Variants in BICC1 observed in about 807,000 individuals in gnomAD.
BICC1 encodes the protein BicC family RNA binding protein 1.
Under a neutral mutation model 111.0 loss-of-function variants are expected in BICC1, and 43 were observed. That is an observed-to-expected ratio of 0.39 (90% confidence interval 0.30 to 0.50). The LOEUF is 0.50. BICC1 is among the 20% of genes least tolerant of loss of function. The probability of loss-of-function intolerance (pLI) is 0.88; values close to 1 mark genes in which losing one functional copy is unlikely to be tolerated. For synonymous variants in BICC1, 467 were observed against 434.4 expected, an observed-to-expected ratio of 1.07 and a Z score of -0.93; for missense variants, 1,091 against 1,203.2, an observed-to-expected ratio of 0.91 and a Z score of 1.38.
At chr10:58,762,894 A>G (rs1230511875) in intron 3 of BICC1, among the ~76,000 whole-genome samples, 1 of 152,198 alleles carries the variant, frequency 6.6e-6, no homozygotes, top group Non-Finnish European at 1.5e-5. Flanking sequence ...AACACAAAGG[A>G]GGCCCAGTAC....
At chr10:58,778,579 G>A (rs959927639) in intron 3 of BICC1, among the ~76,000 whole-genome samples, 3 of 152,110 alleles carry the variant, frequency 2.0e-5, no homozygotes, top group Non-Finnish European at 2.9e-5. Context: ...CATCCACATC[G>A]TCTTCACATT....
At chr10:58,719,373 AACTCCTAC>A (rs1840864276) in intron 3 of BICC1, among the ~76,000 whole-genome samples, 1 of 152,164 alleles carries the variant, frequency 6.6e-6, no homozygotes, top group Non-Finnish European at 1.5e-5. Flanking sequence ...CCAACTGGCC[AACTCCTAC>A]TCATCCTCAC....
At chr10:58,702,235 C>CCTG in intron 3 of BICC1, 92 bp downstream of exon 3, 1 of 914,794 alleles carries the variant, frequency 1.1e-6, no homozygotes, top group Non-Finnish European at 1.7e-6. Context: ...AACCTTTATT[C>CCTG]TTAACACTTT....
rs1246665179 is a variant in BICC1, at chr10:58,525,237, A to T, written c.190+11904A>T. 1.7e-5 allele frequency among the ~76,000 whole-genome samples: 2 copies of T among 115,456 alleles called. 1 individual carries two copies. Among genetic ancestry groups the T allele is most frequent in the Non-Finnish European group, 4.1e-5 (2 of 49,212 alleles). The allele number at this position is 115,456 out of a possible 152,430, so 75.7% of individuals were successfully genotyped here. On this transcript the variant is annotated intron_variant, in intron 1 of 20. Transcript: ENST00000373886. ...GTATATACCCAAAGGATTATAAATC[A>T]TGCTGCTATAAAGATAACATGCACA... is the stretch of plus-strand genomic sequence containing the variant.
chr10:58,801,194 G>A, intron 14 of BICC1, 148 bp downstream of exon 14: 1 of 650,874 alleles, frequency 1.5e-6, no homozygotes, highest in Non-Finnish European at 2.3e-6. Flanking sequence ...AAAATATTAA[G>A]GAATAATATC....
At chr10:58,801,218 C>T (rs537397737) in intron 14 of BICC1, among the ~76,000 whole-genome samples, 172 bp downstream of exon 14, 1 of 151,628 alleles carries the variant, frequency 6.6e-6, no homozygotes, top group East Asian at 1.9e-4. Context: ...TAATTTTCAC[C>T]CTTCTCTGTC....
intron 1 of BICC1, among the ~76,000 whole-genome samples, chr10:58,553,367 A>G (rs1246690893): frequency 1.3e-5 from 2 of 152,178 alleles, no homozygotes; most frequent in African/African-American, 4.8e-5. Flanking sequence ...GAGCAACTTG[A>G]TTGGAATTGT....
Position 58,671,234 on chromosome 10 carries a change from C to T in BICC1, c.238-30840C>T, listed in dbSNP as rs531127823. Among the ~76,000 whole-genome samples, 4 of 152,172 alleles carry T rather than the reference C, an allele frequency of 2.6e-5. No individual in the cohort carries two copies. In the South Asian group the frequency reaches 6.2e-4, roughly 24 times the overall value. On this transcript the variant is annotated intron_variant, in intron 2 of 20. Coordinates refer to ENST00000373886, the MANE Select transcript of BICC1 (RefSeq NM_001080512.3). ...GAAAACCAAAGCAAAACAAAATAAC[C>T]ATTGTTTAAATAAGTTGGAAGGGTA...
At chr10:58,537,650 G>A (rs1842857908) in intron 1 of BICC1, among the ~76,000 whole-genome samples, 1 of 151,716 alleles carries the variant, frequency 6.6e-6, no homozygotes, top group South Asian at 2.1e-4. Context: ...TCAGGCAAGA[G>A]AAATAAAGGG....
chr10:58,727,489 A>C (rs1036048102), intron 3 of BICC1, among the ~76,000 whole-genome samples: 2 of 151,892 alleles, frequency 1.3e-5, no homozygotes, highest in Non-Finnish European at 2.9e-5. Context: ...TGGGAGGCTG[A>C]GGCAGGGGAA....
At chr10:58,620,043 G>A (rs4141673) in intron 1 of BICC1, among the ~76,000 whole-genome samples, 151,557 of 152,294 alleles carry the variant, frequency 1, 75,412 homozygotes, top group Middle Eastern at 1. Context: ...CTACACCTGA[G>A]TCAGAGTCCT....
intron 3 of BICC1, among the ~76,000 whole-genome samples, chr10:58,711,628 C>A (rs1057495584): frequency 6.6e-6 from 1 of 152,186 alleles, no homozygotes. Flanking sequence ...CCGCCTTCTT[C>A]TCTTCTGAAG....
intron 1 of BICC1, among the ~76,000 whole-genome samples, chr10:58,536,793 T>C (rs192511427): frequency 1.3e-5 from 2 of 151,830 alleles, no homozygotes; most frequent in Admixed American, 1.3e-4. Context: ...ACAAAACTGA[T>C]ACACTACTAG....
At chr10:58,712,182 C>A (rs571860228) in intron 3 of BICC1, among the ~76,000 whole-genome samples, 1 of 152,158 alleles carries the variant, frequency 6.6e-6, no homozygotes, top group East Asian at 1.9e-4. Context: ...TGGTTGAAAT[C>A]CCAAACACTG....
At chr10:58,749,792 GGATTTTTAT>G (rs1841935046) in intron 3 of BICC1, among the ~76,000 whole-genome samples, 1 of 151,950 alleles carries the variant, frequency 6.6e-6, no homozygotes, top group Admixed American at 6.6e-5. Flanking sequence ...TTCAAAGTTG[GGATTTTTAT>G]GACTTTTTAA....
At chr10:58,715,892 C>A in intron 3 of BICC1, 3 of 1,234,582 alleles carry the variant, frequency 2.4e-6, no homozygotes, top group Non-Finnish European at 3.5e-6. Context: ...AGCTCTGATT[C>A]TTCCAGCAAT....
At chr10:58,652,871 A>G (rs1232875406) in intron 2 of BICC1, among the ~76,000 whole-genome samples, 1 of 152,144 alleles carries the variant, frequency 6.6e-6, no homozygotes, top group Non-Finnish European at 1.5e-5. Context: ...AGTTCAGTAA[A>G]TGTTCTTTTC....
intron 3 of BICC1, among the ~76,000 whole-genome samples, chr10:58,709,965 A>G (rs1405657360): frequency 1.3e-5 from 2 of 152,190 alleles, no homozygotes; most frequent in Non-Finnish European, 2.9e-5. Context: ...GTAGACCTCC[A>G]GACTATAGTT....
chr10:58,632,861 G>GGATA (rs80252372), intron 2 of BICC1, among the ~76,000 whole-genome samples: 51,538 of 150,750 alleles, frequency 0.34, 9,664 homozygotes, highest in East Asian at 0.46. Flanking sequence ...ATAGATAGAT[G>GGATA]GATAGATAGA....
Sources: gnomAD v4.1 joint callset for allele counts (sites outside exome capture counted in the v4.1 genomes callset) on GRCh38, gnomAD v4.1.1 for gene constraint, MANE v1.5 for transcripts, NCBI Gene and HGNC (gene_info 2026-07-23, HGNC 2026-07-21) for gene names.